Variants in CEP83 observed in about 807,000 individuals in gnomAD.
CEP83 encodes centrosomal protein of 83 kDa.
CEP83 carries 70 observed loss-of-function variants against 101.9 expected under a neutral mutation model. The observed-to-expected ratio is 0.69, with a 90% CI of 0.57 to 0.84. CEP83 has a LOEUF of 0.84. Ranked by LOEUF, CEP83 falls within the 40% of genes least tolerant of loss-of-function variation. The pLI is 0.00. For missense variants in CEP83, 715 were observed against 787.2 expected, an observed-to-expected ratio of 0.91 and a Z score of 1.10; for synonymous variants, 264 against 267.9, an observed-to-expected ratio of 0.99 and a Z score of 0.14.
intron 2 of CEP83, among the ~76,000 whole-genome samples, chr12:94,428,251 A>G (rs761957312): frequency 4.6e-5 from 7 of 152,222 alleles, no homozygotes; most frequent in Non-Finnish European, 5.9e-5. Context: ...ATTCTTGTCC[A>G]AATTCATTTT....
the CEP83 span, chr12:94,294,349 G>C: frequency 5.4e-6 from 3 of 560,270 alleles, no homozygotes; most frequent in South Asian, 2.0e-5. Context: ...ACAGTGCCCA[G>C]AACATAGTAA....
At chr12:94,369,098 G>T (rs905556530) in intron 9 of CEP83, 3 of 152,188 alleles carry the variant, frequency 2.0e-5, no homozygotes, top group African/African-American at 7.2e-5. Context: ...CTTCAAGTTA[G>T]AAACAACATA....
At chr12:94,417,266 T>C (rs1277056239) in intron 2 of CEP83, among the ~76,000 whole-genome samples, 2 of 151,914 alleles carry the variant, frequency 1.3e-5, no homozygotes, top group Admixed American at 1.3e-4. Flanking sequence ...CAGTGAGCTA[T>C]GATTATGCCA....
At chr12:94,267,455 C>T in the CEP83 span, among the ~76,000 whole-genome samples, 1 of 152,180 alleles carries the variant, frequency 6.6e-6, no homozygotes, top group Non-Finnish European at 1.5e-5. Flanking sequence ...TTCATGTCGA[C>T]TCTTGAAATT....
At chr12:94,341,254 AG>A (rs953661870) in intron 11 of CEP83, among the ~76,000 whole-genome samples, 2 of 152,228 alleles carry the variant, frequency 1.3e-5, no homozygotes, top group African/African-American at 4.8e-5. Context: ...TAATTAATAA[AG>A]GATCTGTCAA....
At chr12:94,413,320 T>C (rs1392694844) in intron 2 of CEP83, among the ~76,000 whole-genome samples, 1 of 152,194 alleles carries the variant, frequency 6.6e-6, no homozygotes, top group Admixed American at 6.5e-5. Flanking sequence ...TTAACCTAGC[T>C]CCACTAGAAG....
At chr12:94,301,570 AAGAC>A (rs1555212824), downstream of CEP83, among the ~76,000 whole-genome samples, 1 of 152,224 alleles carries the variant, frequency 6.6e-6, no homozygotes, top group Non-Finnish European at 1.5e-5. Flanking sequence ...AACTCAAAGA[AAGAC>A]AAAAATCAGA....
Position 94,312,617 on chromosome 12 carries a change from C to G in CEP83, c.1811+297G>C, listed in dbSNP as rs569909536. On this transcript the variant is annotated intron_variant, in intron 15 of 16. Coordinates refer to ENST00000397809, the MANE Select transcript of CEP83 (RefSeq NM_016122.3). ...CACAATTTTCAGAACTATGCAATAG[C>G]TACAACTGTCTTGTACAGCAGCAAC... 246 of 985,382 alleles carry G rather than the reference C, an allele frequency of 2.5e-4. 2 individuals carry two copies. The South Asian group carries it at 9.6e-3, about 39-fold the overall frequency. The allele number at this position is 985,382 out of a possible 1,614,324, so 61.0% of individuals were successfully genotyped here. A position where few individuals can be genotyped will look rare whatever the true frequency, so the allele number is the denominator to read the frequency against.
At chr12:94,407,413 T>C (rs1211294862) in intron 4 of CEP83, among the ~76,000 whole-genome samples, 1 of 152,218 alleles carries the variant, frequency 6.6e-6, no homozygotes, top group African/African-American at 2.4e-5. Context: ...AGATAACCTG[T>C]GCTCACTACC....
At chr12:94,420,829 A>G (rs958958313) in intron 2 of CEP83, among the ~76,000 whole-genome samples, 56 of 152,316 alleles carry the variant, frequency 3.7e-4, no homozygotes, top group African/African-American at 1.2e-3. Flanking sequence ...TAAAAATTAA[A>G]TACAAGCACT....
chr12:94,411,102 C>G (rs1425501502), intron 4 of CEP83, among the ~76,000 whole-genome samples: 3 of 152,130 alleles, frequency 2.0e-5, no homozygotes, highest in Non-Finnish European at 4.4e-5. Context: ...ACCTACTAAT[C>G]TGAAATTTAC....
chr12:94,376,698 C>T (rs967841836), intron 7 of CEP83, among the ~76,000 whole-genome samples: 360 of 112,716 alleles, frequency 3.2e-3, no homozygotes, highest in African/African-American at 9.8e-3. Context: ...TATACACACA[C>T]ACACACACAC....
chr12:94,275,457 T>G, the CEP83 span, among the ~76,000 whole-genome samples: 3 of 152,186 alleles, frequency 2.0e-5, no homozygotes, highest in African/African-American at 7.2e-5. Context: ...CACAGGCATC[T>G]GCTCCCCATC....
At chr12:94,293,142 A>T in the CEP83 span, among the ~76,000 whole-genome samples, 2 of 152,168 alleles carry the variant, frequency 1.3e-5, no homozygotes, top group African/African-American at 4.8e-5. Flanking sequence ...TGATTGTAAG[A>T]TTTACCCATG....
At chr12:94,441,276 C>G in intron 1 of CEP83, among the ~76,000 whole-genome samples, 1 of 152,052 alleles carries the variant, frequency 6.6e-6, no homozygotes, top group Non-Finnish European at 1.5e-5. Context: ...ACTATGCATC[C>G]CACAAAGGAC....
intron 11 of CEP83, among the ~76,000 whole-genome samples, chr12:94,343,792 C>T (rs1315365048): frequency 1.3e-5 from 2 of 151,812 alleles, no homozygotes; most frequent in Non-Finnish European, 1.5e-5. Context: ...CGCGCCCAGC[C>T]GAAATTAACT....
chr12:94,452,733 G>C (rs778224759), intron 1 of CEP83, among the ~76,000 whole-genome samples: 3 of 152,086 alleles, frequency 2.0e-5, no homozygotes, highest in Non-Finnish European at 2.9e-5. Flanking sequence ...ATATGACGGG[G>C]GATGGGGAAG....
At chr12:94,385,560 A>G (rs935887111) in intron 6 of CEP83, among the ~76,000 whole-genome samples, 1 of 152,142 alleles carries the variant, frequency 6.6e-6, no homozygotes, top group Non-Finnish European at 1.5e-5. Context: ...GTTAGGAGGC[A>G]TTTCCTCTGA....
intron 11 of CEP83, among the ~76,000 whole-genome samples, chr12:94,340,249 G>T (rs1303528483): frequency 6.6e-6 from 1 of 152,068 alleles, no homozygotes; most frequent in Non-Finnish European, 1.5e-5. Flanking sequence ...CCTTTCCCTT[G>T]GTTATTGCTA....
Sources: allele counts gnomAD v4.1 joint callset (sites outside exome capture counted in the v4.1 genomes callset), GRCh38; gene constraint gnomAD v4.1.1; transcripts MANE v1.5; gene names NCBI Gene and HGNC (gene_info 2026-07-23, HGNC 2026-07-21).